GPC6: variants seen among roughly 807,000 people sequenced by gnomAD.
GPC6 encodes glypican-6.
GPC6 carries 14 observed loss-of-function variants against 55.2 expected under a neutral mutation model. The ratio of observed to expected loss-of-function variants is 0.25; its 90% CI spans 0.17 to 0.40. The LOEUF is 0.40. Ranked by LOEUF, GPC6 falls within the 10% of genes least tolerant of loss-of-function variation. The probability of loss-of-function intolerance (pLI) is 1.00; values close to 1 mark genes in which losing one functional copy is unlikely to be tolerated. For missense variants in GPC6, 641 were observed against 708.5 expected (o/e 0.90, Z 1.08); for synonymous variants, 278 against 259.6 (o/e 1.07, Z -0.68).
chr13:94,170,399 C>A (rs556152693), intron 4 of GPC6, among the ~76,000 whole-genome samples: 1 of 152,276 alleles, frequency 6.6e-6, no homozygotes, highest in South Asian at 2.1e-4. Flanking sequence ...GCCAGAGGGA[C>A]TGAGCTGGTT....
intron 2 of GPC6, among the ~76,000 whole-genome samples, chr13:93,590,898 AGTGG>A (rs1877432679): frequency 6.6e-6 from 1 of 152,136 alleles, no homozygotes; most frequent in African/African-American, 2.4e-5. Context: ...AGGACGAGCT[AGTGG>A]GTGCAGCGCA....
intron 4 of GPC6, among the ~76,000 whole-genome samples, chr13:94,083,011 GATCTGTCAGAGATTTTCACC>G (rs1885154376): frequency 6.6e-6 from 1 of 152,212 alleles, no homozygotes; most frequent in Non-Finnish European, 1.5e-5. Context: ...ATTGACTCAT[GATCTGTCAGAGATTTTCACC>G]TAGGTCCCTG....
intron 4 of GPC6, among the ~76,000 whole-genome samples, chr13:94,256,020 T>C (rs1051838627): frequency 1.3e-5 from 2 of 151,908 alleles, no homozygotes; most frequent in Non-Finnish European, 2.9e-5. Context: ...GACTGATATA[T>C]GCATATAAAA....
chr13:93,765,015 G>A (rs1885070080), intron 2 of GPC6, among the ~76,000 whole-genome samples: 1 of 151,996 alleles, frequency 6.6e-6, no homozygotes, highest in African/African-American at 2.4e-5. Flanking sequence ...TAACCAGGAT[G>A]GTCTCAATCT....
chr13:93,426,918 A>G (rs1289647429), intron 1 of GPC6, among the ~76,000 whole-genome samples: 1 of 147,128 alleles, frequency 6.8e-6, no homozygotes, highest in African/African-American at 2.5e-5. Flanking sequence ...TGACATTTTA[A>G]TGATTGCCAT....
chr13:93,668,886 T>TTAGA (rs1881247996), intron 2 of GPC6, among the ~76,000 whole-genome samples: 1 of 152,194 alleles, frequency 6.6e-6, no homozygotes, highest in South Asian at 2.1e-4. Context: ...CTGGAAACAC[T>TTAGA]TAGATACATG....
At chr13:93,880,523 A>G (rs541166527) in intron 3 of GPC6, among the ~76,000 whole-genome samples, 1 of 152,174 alleles carries the variant, frequency 6.6e-6, no homozygotes, top group East Asian at 1.9e-4. Flanking sequence ...ATGAGATCAC[A>G]TGGACACAGG....
chr13:94,170,462 G>C (rs1888523183), intron 4 of GPC6, among the ~76,000 whole-genome samples: 1 of 152,178 alleles, frequency 6.6e-6, no homozygotes, highest in South Asian at 2.1e-4. Context: ...CAGTCTCAGA[G>C]CCCAGTAGCC....
chr13:93,264,400 T>C (rs2139044594), intron 1 of GPC6, among the ~76,000 whole-genome samples: 1 of 152,236 alleles, frequency 6.6e-6, no homozygotes, highest in East Asian at 1.9e-4. Context: ...TCCCATATAC[T>C]TTATTTATGA....
At chr13:93,677,334 T>C (rs563466566) in intron 2 of GPC6, among the ~76,000 whole-genome samples, 1 of 152,272 alleles carries the variant, frequency 6.6e-6, no homozygotes, top group Admixed American at 6.5e-5. Context: ...ATAGTTTCTC[T>C]AGATGATGGT....
chr13:93,540,615 A>C (rs920304007), intron 1 of GPC6, among the ~76,000 whole-genome samples: 3 of 152,168 alleles, frequency 2.0e-5, no homozygotes, highest in Admixed American at 2.0e-4. Context: ...TTGATACATA[A>C]AATGTTTAGT....
At chr13:93,933,680 A>T (rs1878292520) in intron 3 of GPC6, among the ~76,000 whole-genome samples, 1 of 152,202 alleles carries the variant, frequency 6.6e-6, no homozygotes, top group Non-Finnish European at 1.5e-5. Flanking sequence ...AGTTCTTGTT[A>T]GTACTGTTAT....
At chr13:93,756,658 C>T (rs1278202004) in intron 2 of GPC6, among the ~76,000 whole-genome samples, 3 of 152,194 alleles carry the variant, frequency 2.0e-5, no homozygotes, top group East Asian at 3.9e-4. Flanking sequence ...ATCTTTGTAG[C>T]GCTTTGTGTA....
At chr13:94,239,625 A>G (rs1890991592) in intron 4 of GPC6, among the ~76,000 whole-genome samples, 1 of 152,136 alleles carries the variant, frequency 6.6e-6, no homozygotes. Context: ...TCGGCATTAG[A>G]GTCATTATTG....
intron 1 of GPC6, among the ~76,000 whole-genome samples, chr13:93,450,972 A>C (rs1878204014): frequency 6.6e-6 from 1 of 152,220 alleles, no homozygotes; most frequent in African/African-American, 2.4e-5. Flanking sequence ...TTGTTAAAAT[A>C]ATCTAAGCTT....
chr13:94,285,334 TG>T (rs938062594), intron 4 of GPC6, among the ~76,000 whole-genome samples: 2 of 152,098 alleles, frequency 1.3e-5, no homozygotes, highest in South Asian at 4.1e-4. Context: ...TTATTGTGGT[TG>T]GGGGAGATGA....
At chr13:93,242,643 T>G (rs1876472754) in intron 1 of GPC6, among the ~76,000 whole-genome samples, 1 of 152,162 alleles carries the variant, frequency 6.6e-6, no homozygotes, top group African/African-American at 2.4e-5. Context: ...AATTGTAGTC[T>G]TCCCACTCAG....
At chr13:93,971,274 G>C (rs545638177) in intron 3 of GPC6, among the ~76,000 whole-genome samples, 24 of 152,166 alleles carry the variant, frequency 1.6e-4, no homozygotes, top group Non-Finnish European at 2.8e-4. Context: ...TAATTTATTG[G>C]TAAAATAACT....
chr13:93,733,575 A>G (rs1228784939), intron 2 of GPC6, among the ~76,000 whole-genome samples: 1 of 151,348 alleles, frequency 6.6e-6, no homozygotes, highest in African/African-American at 2.4e-5. Context: ...TGAAATTTTT[A>G]TGTAAAAAAA....
Sources: gnomAD v4.1 joint callset for allele counts (sites outside exome capture counted in the v4.1 genomes callset) on GRCh38, gnomAD v4.1.1 for gene constraint, MANE v1.5 for transcripts, NCBI Gene and HGNC (gene_info 2026-07-23, HGNC 2026-07-21) for gene names.